FMN1: variants seen among roughly 807,000 people sequenced by gnomAD.
The protein encoded by FMN1 is formin 1, also known as formin-1.
In FMN1, 110 loss-of-function variants were observed where a neutral mutation model predicts 132.4. That is an observed-to-expected ratio of 0.83 (90% CI 0.71 to 0.97). FMN1 has a LOEUF of 0.97. Among genes scored for constraint, FMN1 ranks in the 50% least tolerant of loss-of-function variants. The pLI is 0.00. For synonymous variants in FMN1, 722 were observed against 651.7 expected (o/e 1.11, Z -1.64); for missense variants, 1,792 against 1,705.3 (o/e 1.05, Z -0.90).
intron 17 of FMN1, among the ~76,000 whole-genome samples, chr15:32,836,369 A>C (rs1299481232): frequency 6.6e-6 from 1 of 152,190 alleles, no homozygotes; most frequent in Non-Finnish European, 1.5e-5. Context: ...TTTTGGTATC[A>C]TAATTTACTT....
Position 32,888,395 on chromosome 15 carries a change from G to A in FMN1, c.3715-103C>T, listed in dbSNP as rs955022097. ...AAAAAAAAAAGCTTTTTTATTGGAT[G>A]TCTGAGTAAGAATCATAGCAATGCT... On this transcript the variant is annotated intron_variant, in intron 15 of 20. Transcript: ENST00000616417. The A allele has an allele frequency of 1.0e-5, 11 of 1,052,870 alleles. No homozygotes were observed. In the South Asian group the frequency reaches 1.3e-4, roughly 12 times the overall value. The allele number at this position is 1,052,870 out of a possible 1,614,324, so 65.2% of individuals were successfully genotyped here.
intron 4 of FMN1, among the ~76,000 whole-genome samples, chr15:33,123,980 C>T (rs1962810909): frequency 6.6e-6 from 1 of 152,210 alleles, no homozygotes; most frequent in African/African-American, 2.4e-5. Context: ...TCTTCCAGCT[C>T]AGTAACCATA....
chr15:33,186,032 C>T (rs1965873063), intron 2 of FMN1, among the ~76,000 whole-genome samples: 1 of 152,084 alleles, frequency 6.6e-6, no homozygotes, highest in South Asian at 2.1e-4. Flanking sequence ...TTCATCTCAT[C>T]CCACCTCCTT....
At chr15:32,980,619 G>A (rs917386864) in intron 7 of FMN1, among the ~76,000 whole-genome samples, 1 of 152,044 alleles carries the variant, frequency 6.6e-6, no homozygotes, top group Non-Finnish European at 1.5e-5. Flanking sequence ...GTTTTGTTTT[G>A]TTTTATTTCA....
rs2032240332 is a variant in FMN1, at chr15:32,976,765, G to A, written c.2224-7288C>T. 1.3e-5 allele frequency among the ~76,000 whole-genome samples: 2 copies of A among 152,144 alleles called. 1 individual carries two copies. The highest frequency in any genetic ancestry group is 4.2e-4 in the South Asian group (2 of 4,814). On this transcript the variant is annotated intron_variant, in intron 7 of 20. Transcript: ENST00000616417. ...GAGTAATTGATATGAAGCTGACTCC[G>A]AGTAAAACCCAATGAATGCAATGCT...
At chr15:32,992,777 T>C (rs1196358524) in intron 7 of FMN1, among the ~76,000 whole-genome samples, 1 of 152,200 alleles carries the variant, frequency 6.6e-6, no homozygotes, top group Non-Finnish European at 1.5e-5. Context: ...ACAATTTTAT[T>C]AAATCTATGT....
intron 4 of FMN1, among the ~76,000 whole-genome samples, chr15:33,122,234 C>T (rs1274714882): frequency 2.6e-5 from 4 of 152,192 alleles, no homozygotes; most frequent in Non-Finnish European, 5.9e-5. Context: ...AGTGAATAAG[C>T]TAAGTCTTAT....
chr15:33,007,062 A>G (rs1020941997), intron 7 of FMN1, among the ~76,000 whole-genome samples: 7 of 152,180 alleles, frequency 4.6e-5, no homozygotes, highest in African/African-American at 1.4e-4. Flanking sequence ...TCGTGTTCTC[A>G]CCGCATATAA....
In FMN1 at chr15:33,088,829, T is replaced by A. The variant is rs572334512; in HGVS notation, c.2013A>T (p.Ser671=). Residue 671 remains serine, a synonymous_variant, in exon 5 of 21, where the codon TCA becomes TCT. Coordinates refer to ENST00000616417, the MANE Select transcript of FMN1 (RefSeq NM_001277313.2). ...PFLLHEEREK[S]NRSELYLDLH... Reference sequence around the variant, plus strand: ...GATCCAAGTACAATTCGCTCCTGTTTGACTTCTCCCTTTCCTCATGAAGCA... The same window carrying A: ...GATCCAAGTACAATTCGCTCCTGTTAGACTTCTCCCTTTCCTCATGAAGCA... The A allele has an allele frequency of 2.4e-5, 37 of 1,535,802 alleles. No homozygotes were observed. The highest frequency in any genetic ancestry group is 3.1e-5 in the Non-Finnish European group (36 of 1,146,822).
intron 7 of FMN1, among the ~76,000 whole-genome samples, chr15:32,992,235 C>T (rs375287170): frequency 1.9e-4 from 29 of 152,116 alleles, no homozygotes; most frequent in African/African-American, 7.0e-4. Context: ...TTTTCTAGAA[C>T]GTTGGAATTT....
At chr15:32,866,861 GT>G (rs2059404271) in intron 16 of FMN1, among the ~76,000 whole-genome samples, 1 of 152,148 alleles carries the variant, frequency 6.6e-6, no homozygotes, top group Non-Finnish European at 1.5e-5. Context: ...TAGCGTCTGT[GT>G]TCCCCATTGT....
Position 33,124,260 on chromosome 15 carries a change from A to G in FMN1, c.1867+28788T>C, listed in dbSNP as rs972700147. On this transcript the variant is annotated intron_variant, in intron 4 of 20. Coordinates refer to ENST00000616417, the MANE Select transcript of FMN1 (RefSeq NM_001277313.2). ...GAAACAGATGTTATGTGGAGGAAAA[A>G]AACACATTGACATTCACTGTAGAAA... 4.8e-5 allele frequency among the ~76,000 whole-genome samples: 7 copies of G among 146,254 alleles called. 1 individual carries two copies. The East Asian group carries it at 1.2e-3, about 24-fold the overall frequency.
chr15:33,048,631 CAAAA>C (rs768997793), intron 6 of FMN1, among the ~76,000 whole-genome samples: 2 of 43,440 alleles, frequency 4.6e-5, no homozygotes, highest in African/African-American at 7.5e-5. Flanking sequence ...GGCAATTTAC[CAAAA>C]AAAAAAAAAA....
intron 15 of FMN1, among the ~76,000 whole-genome samples, chr15:32,894,837 T>G (rs2060115956): frequency 1.6e-5 from 1 of 61,834 alleles, no homozygotes; most frequent in Non-Finnish European, 3.1e-5. Context: ...AATGTATTTT[T>G]TTCAGGTTAT....
intron 2 of FMN1, among the ~76,000 whole-genome samples, chr15:33,183,047 C>T (rs141873118): frequency 2.4e-4 from 37 of 152,306 alleles, no homozygotes; most frequent in African/African-American, 7.5e-4. Flanking sequence ...CCCCTCTAGA[C>T]CTTAAATACA....
Position 32,766,310 on chromosome 15 carries a change from G to T in FMN1, c.*8000C>A, listed in dbSNP as rs983779727. The T allele has an allele frequency of 2.0e-5, 3 of 152,194 alleles. No homozygotes were observed. Among genetic ancestry groups the T allele is most frequent in the African/African-American group, 4.8e-5 (2 of 41,448 alleles). The allele number at this position is 152,194 out of a possible 1,614,324, so 9.4% of individuals were successfully genotyped here. A position where few individuals can be genotyped will look rare whatever the true frequency, so the allele number is the denominator to read the frequency against. On this transcript the variant is annotated 3_prime_UTR_variant, in exon 21 of 21. Transcript: ENST00000616417. ...GTAGATGTTTGAATCATGAATAGTAGTAAGAATGGAGCGGCAATAAAAATC... is the reference window on the plus strand; with the variant it reads ...GTAGATGTTTGAATCATGAATAGTATTAAGAATGGAGCGGCAATAAAAATC...
chr15:33,069,766 A>G (rs561701160), intron 5 of FMN1, among the ~76,000 whole-genome samples: 170 of 152,318 alleles, frequency 1.1e-3, no homozygotes, highest in African/African-American at 3.9e-3. Context: ...TGTTTTAAAC[A>G]GGTACTTCTC....
chr15:33,055,607 G>GCC (rs1223537757), intron 6 of FMN1, among the ~76,000 whole-genome samples: 1 of 116,888 alleles, frequency 8.6e-6, no homozygotes, highest in East Asian at 2.2e-4. Flanking sequence ...TCAACTCATA[G>GCC]ACAAAAAAAA....
At chr15:32,934,702 G>A (rs1220778088) in intron 9 of FMN1, among the ~76,000 whole-genome samples, 2 of 150,680 alleles carry the variant, frequency 1.3e-5, no homozygotes, top group African/African-American at 2.4e-5. Flanking sequence ...CACCTCCCAG[G>A]TTCAAGCGAT....
Sources: gnomAD v4.1 joint callset for allele counts (sites outside exome capture counted in the v4.1 genomes callset) on GRCh38, gnomAD v4.1.1 for gene constraint, MANE v1.5 for transcripts, NCBI Gene and HGNC (gene_info 2026-07-23, HGNC 2026-07-21) for gene names.